The following UGT1A6 variants were observed in gnomAD, a reference collection of about 807,000 sequenced individuals.
UGT1A6 encodes UDP-glucuronosyltransferase 1A6.
A neutral mutation model predicts 44.4 loss-of-function variants in UGT1A6; 32 were observed. The observed-to-expected ratio is 0.72, with a 90% CI of 0.54 to 0.97. UGT1A6 has a LOEUF of 0.97. Ranked by LOEUF, UGT1A6 falls within the 50% of genes least tolerant of loss-of-function variation. UGT1A6 has a pLI of 0.00. For synonymous variants in UGT1A6, 238 were observed against 248.5 expected (o/e 0.96, Z 0.40); for missense variants, 685 against 661.9 (o/e 1.03, Z -0.38).
intron 1 of UGT1A6, among the ~76,000 whole-genome samples, chr2:233,700,983 C>T (rs1317815779): frequency 6.6e-6 from 1 of 151,310 alleles, no homozygotes; most frequent in Non-Finnish European, 1.5e-5. Context: ...GATTTTTTGT[C>T]CTTGCGATAG....
In UGT1A6 at chr2:233,693,697, A is replaced by T. The variant is rs1427755999; in HGVS notation, c.693A>T (p.Glu231Asp). ...LFYCLFSKYE[E>D]LASAVLKRDV... Reference sequence around the variant, plus strand: ...ATTGTCTGTTTTCAAAGTATGAAGAACTCGCATCAGCTGTCCTCAAGAGAG... The same window carrying T: ...ATTGTCTGTTTTCAAAGTATGAAGATCTCGCATCAGCTGTCCTCAAGAGAG... The change falls in exon 1 of 5, where the codon GAA (glutamate) becomes GAT (aspartate). Residue 231 changes from glutamate to aspartate, a missense_variant. Glu to Asp is a conservative substitution (Grantham distance 45). Transcript: ENST00000305139. The T allele has an allele frequency of 6.2e-7, 1 of 1,614,050 alleles. No individual in the cohort carries two copies. Among genetic ancestry groups the T allele is most frequent in the Admixed American group, 1.7e-5 (1 of 59,998 alleles).
chr2:233,725,125 G>C (rs1256400023), intron 1 of UGT1A6, among the ~76,000 whole-genome samples: 1 of 138,156 alleles, frequency 7.2e-6, no homozygotes, highest in Non-Finnish European at 1.5e-5. Context: ...GCAGTGAGCC[G>C]AGATGGCAGC....
intron 1 of UGT1A6, 38 bp downstream of exon 1, chr2:233,693,903 TC>T: frequency 6.2e-7 from 1 of 1,613,478 alleles, no homozygotes; most frequent in Non-Finnish European, 8.5e-7. Flanking sequence ...CCTTGTTTCT[TC>T]CAGGCTCTGT....
chr2:233,695,366 C>T (rs184636578), intron 1 of UGT1A6, among the ~76,000 whole-genome samples: 240 of 151,850 alleles, frequency 1.6e-3, no homozygotes, highest in African/African-American at 4.6e-3. Flanking sequence ...CCTCGTGGTC[C>T]GCCCACCCCA....
At chr2:233,724,348 C>T (rs1263010840) in intron 1 of UGT1A6, among the ~76,000 whole-genome samples, 5 of 144,562 alleles carry the variant, frequency 3.5e-5, no homozygotes, top group Non-Finnish European at 7.6e-5. Flanking sequence ...TGACCCCCCC[C>T]ACCTCCCTCC....
chr2:233,700,944 C>T (rs1396267587), intron 1 of UGT1A6, among the ~76,000 whole-genome samples: 1 of 151,988 alleles, frequency 6.6e-6, no homozygotes, highest in Non-Finnish European at 1.5e-5. Flanking sequence ...TGTTCAATTC[C>T]CACCTATGAG....
At chr2:233,762,213 C>T (rs889171473) in intron 1 of UGT1A6, among the ~76,000 whole-genome samples, 1 of 152,104 alleles carries the variant, frequency 6.6e-6, no homozygotes, top group Non-Finnish European at 1.5e-5. Flanking sequence ...ATTTGGCGCC[C>T]CATAAATCTC....
chr2:233,713,405 C>G (rs2076318550), intron 1 of UGT1A6: 2 of 1,614,030 alleles, frequency 1.2e-6, no homozygotes, highest in South Asian at 1.1e-5. Context: ...AGGCCCTGAT[C>G]AGGCACCTGC....
At chr2:233,771,766 C>A (rs1025155606) in intron 4 of UGT1A6, among the ~76,000 whole-genome samples, 2 of 151,968 alleles carry the variant, frequency 1.3e-5, no homozygotes, top group Admixed American at 6.6e-5. Context: ...CTTCCTCCGT[C>A]CCTCTCTCCT....
At chr2:233,747,752 A>C in intron 1 of UGT1A6, 1 of 1,613,466 alleles carries the variant, frequency 6.2e-7, no homozygotes, top group Non-Finnish European at 8.5e-7. Context: ...CATGTGATTT[A>C]GACTTTAAGG....
intron 1 of UGT1A6, chr2:233,713,436 G>A (rs773281887): frequency 2.0e-5 from 32 of 1,614,146 alleles, no homozygotes; most frequent in Non-Finnish European, 2.5e-5. Context: ...CTTTGATGTG[G>A]TTCTAACAGA....
intron 1 of UGT1A6, among the ~76,000 whole-genome samples, chr2:233,749,367 C>G (rs893134182): frequency 6.6e-6 from 1 of 151,762 alleles, no homozygotes; most frequent in Non-Finnish European, 1.5e-5. Flanking sequence ...GACTCTTGCC[C>G]TTTTCTTCCA....
chr2:233,734,666 C>T (rs1294652179), intron 1 of UGT1A6, among the ~76,000 whole-genome samples: 1 of 152,056 alleles, frequency 6.6e-6, no homozygotes, highest in Non-Finnish European at 1.5e-5. Context: ...TATAAATTTC[C>T]CTCTACACAC....
rs45449797 is a variant in UGT1A6, at chr2:233,730,263, G to A, written c.861+36398G>A. ...ACTGGTGTGACTCATAGAGACTGTT[G>A]GTTTGTAAAGGCACCATCTTCATGG... is the stretch of plus-strand genomic sequence containing the variant. On this transcript the variant is annotated intron_variant, in intron 1 of 4. Coordinates refer to ENST00000305139, the MANE Select transcript of UGT1A6 (RefSeq NM_001072.4). 4.3e-4 allele frequency among the ~76,000 whole-genome samples: 66 copies of A among 152,188 alleles called. 2 individuals are homozygous for A. In the East Asian group the frequency reaches 0.011, roughly 26 times the overall value.
intron 1 of UGT1A6, among the ~76,000 whole-genome samples, chr2:233,700,008 C>T (rs750443440): frequency 1.3e-5 from 2 of 152,192 alleles, no homozygotes; most frequent in Admixed American, 1.3e-4. Context: ...CAAAATGTCA[C>T]GAGTGCTGAA....
chr2:233,750,073 G>A (rs535406029), intron 1 of UGT1A6, among the ~76,000 whole-genome samples: 50 of 151,996 alleles, frequency 3.3e-4, no homozygotes, highest in East Asian at 3.9e-4. Flanking sequence ...CTGGGTAACA[G>A]GCAGAGGTTG....
rs1245867453 is a variant in UGT1A6 at position 233,693,173 on chromosome 2, G to A, written c.169G>A (p.Val57Ile). 1.2e-6 allele frequency: 2 copies of A among 1,614,068 alleles called. No homozygotes were observed. The highest frequency in any genetic ancestry group is 1.7e-6 in the Non-Finnish European group (2 of 1,180,006). The change falls in exon 1 of 5, where the codon GTA (valine) becomes ATA (isoleucine). Residue 57 changes from valine to isoleucine, a missense_variant. By Grantham distance (29) the Val-to-Ile change is conservative. Transcript: ENST00000305139. ...EVLSDRGHEI[V>I]VVVPEVNLLL... is the part of the protein sequence containing the mutation. ...TCTCAGTGACCGGGGTCATGAGATT[G>A]TAGTGGTGGTGCCTGAAGTTAATTT...
rs2075178370 is a variant in UGT1A6 at position 233,693,743 on chromosome 2, T to C, written c.739T>C (p.Tyr247His). Reference protein sequence around the residue: ...LKRDVDIITLYQKVSVWLLRY... With the variant: ...LKRDVDIITLHQKVSVWLLRY... ...GAGAGATGTGGATATAATCACCTTA[T>C]ATCAGAAGGTCTCTGTTTGGCTGTT... Residue 247 changes from tyrosine to histidine, a missense_variant, in exon 1 of 5, where the codon TAT becomes CAT. Physicochemically the swap from Tyr to His is moderately conservative, Grantham distance 83 (BLOSUM62 2). Transcript: ENST00000305139. 1.2e-6 allele frequency: 2 copies of C among 1,614,260 alleles called. No homozygotes were observed. Among genetic ancestry groups the C allele is most frequent in the East Asian group, 4.5e-5 (2 of 44,888 alleles).
At chr2:233,768,470 G>T (rs371026350) in intron 4 of UGT1A6, 31 bp downstream of exon 4, 1 of 1,602,728 alleles carries the variant, frequency 6.2e-7, no homozygotes, top group Non-Finnish European at 8.5e-7. Context: ...GAATACTTTG[G>T]TCATGGCATT....
Sources: gnomAD v4.1 joint callset for allele counts (sites outside exome capture counted in the v4.1 genomes callset) on GRCh38, gnomAD v4.1.1 for gene constraint, MANE v1.5 for transcripts, NCBI Gene and HGNC (gene_info 2026-07-23, HGNC 2026-07-21) for gene names.